R3HDM2: variants seen among roughly 807,000 people sequenced by gnomAD.
R3HDM2 encodes R3H domain-containing protein 2.
A neutral mutation model predicts 124.5 loss-of-function variants in R3HDM2; 38 were observed. That is an observed-to-expected ratio of 0.31 (90% confidence interval 0.24 to 0.40). The LOEUF (loss-of-function observed/expected upper bound fraction) is 0.40, where lower values mean the gene tolerates loss of function less well. Ranked by LOEUF, R3HDM2 falls within the 10% of genes least tolerant of loss-of-function variation. The pLI is 1.00. For synonymous variants in R3HDM2, 391 were observed against 448.0 expected (o/e 0.87, Z 1.61); for missense variants, 869 against 1,236.9 (o/e 0.70, Z 4.46).
At chr12:57,255,889 C>T (rs1290998681) in intron 23 of R3HDM2, 101 bp downstream of exon 23, 4 of 998,504 alleles carry the variant, frequency 4.0e-6, no homozygotes, top group South Asian at 3.1e-5. Context: ...CCCACTTCCA[C>T]TCCCCATCCT....
chr12:57,419,284 CAGG>C (rs2071455714), intron 1 of R3HDM2, among the ~76,000 whole-genome samples: 1 of 151,822 alleles, frequency 6.6e-6, no homozygotes, highest in Non-Finnish European at 1.5e-5. Flanking sequence ...CCTACGATTA[CAGG>C]CAAGTGCCAC....
At chr12:57,354,324 G>A (rs2061012518) in intron 2 of R3HDM2, among the ~76,000 whole-genome samples, 1 of 151,418 alleles carries the variant, frequency 6.6e-6, no homozygotes, top group Non-Finnish European at 1.5e-5. Context: ...GACAGAGTCT[G>A]ACTCTGTCAC....
intron 2 of R3HDM2, among the ~76,000 whole-genome samples, chr12:57,333,649 G>A (rs776838928): frequency 3.3e-5 from 5 of 151,974 alleles, no homozygotes; most frequent in Non-Finnish European, 5.9e-5. Flanking sequence ...CTGAGATTGC[G>A]CCACTGCAGC....
At chr12:57,393,635 A>G (rs1594408041) in intron 2 of R3HDM2, among the ~76,000 whole-genome samples, 1 of 152,314 alleles carries the variant, frequency 6.6e-6, no homozygotes, top group East Asian at 1.9e-4. Flanking sequence ...GAGAGGAGAA[A>G]AAGAGGCAAG....
intron 1 of R3HDM2, among the ~76,000 whole-genome samples, chr12:57,421,186 CAG>C (rs1400686119): frequency 7.8e-6 from 1 of 128,580 alleles, no homozygotes; most frequent in Non-Finnish European, 1.6e-5. Context: ...TTTTCTGAGA[CAG>C]AGTTTTGCTC....
rs972043604 is a variant in R3HDM2 at position 57,430,701 on chromosome 12, G to A, written c.-106+19C>T. Reference sequence around the variant, plus strand: ...GGCCGTCCGGGCCGCCCGCCCCCTCGGCCGGGAGGTGGCCTCACCTCGCAC... The same window carrying A: ...GGCCGTCCGGGCCGCCCGCCCCCTCAGCCGGGAGGTGGCCTCACCTCGCAC... On this transcript the variant is annotated intron_variant, in intron 1 of 23. Transcript: ENST00000402412. 18 of 557,368 alleles carry A rather than the reference G, an allele frequency of 3.2e-5. No individual in the cohort carries two copies. In the African/African-American group the frequency reaches 3.7e-4, roughly 11 times the overall value. The allele number at this position is 557,368 out of a possible 1,614,324, so 34.5% of individuals were successfully genotyped here.
chr12:57,328,426 G>A (rs2057638342), intron 2 of R3HDM2, among the ~76,000 whole-genome samples: 1 of 152,094 alleles, frequency 6.6e-6, no homozygotes, highest in Non-Finnish European at 1.5e-5. Flanking sequence ...CCATTGATCA[G>A]TCAGCAATCA....
At chr12:57,332,293 T>G (rs993560029) in intron 2 of R3HDM2, among the ~76,000 whole-genome samples, 34 of 150,562 alleles carry the variant, frequency 2.3e-4, no homozygotes, top group African/African-American at 8.1e-4. Context: ...CACACACCTG[T>G]AGTCCCAGCT....
chr12:57,360,567 A>G (rs1470620728), intron 2 of R3HDM2, among the ~76,000 whole-genome samples: 3 of 151,856 alleles, frequency 2.0e-5, no homozygotes, highest in Middle Eastern at 3.2e-3. Flanking sequence ...GGCTATAGTG[A>G]GCCCTCATTA....
At chr12:57,381,184 T>G (rs1328775259) in intron 2 of R3HDM2, among the ~76,000 whole-genome samples, 1 of 151,900 alleles carries the variant, frequency 6.6e-6, no homozygotes, top group Non-Finnish European at 1.5e-5. Flanking sequence ...TGAGCTGATA[T>G]CACGCCATTG....
intron 3 of R3HDM2, among the ~76,000 whole-genome samples, chr12:57,308,048 T>A (rs931095900): frequency 3.0e-5 from 4 of 134,652 alleles, no homozygotes; most frequent in African/African-American, 1.1e-4. Context: ...TCCAGGTGAA[T>A]TTTTTTTTTT....
intron 2 of R3HDM2, among the ~76,000 whole-genome samples, chr12:57,327,083 T>C (rs1424031613): frequency 2.0e-5 from 3 of 152,180 alleles, no homozygotes; most frequent in Non-Finnish European, 4.4e-5. Flanking sequence ...AGATTAATGT[T>C]ATTTTCAGGC....
In R3HDM2 at chr12:57,253,830, C is replaced by A; in HGVS notation, c.*943G>T. The A allele has an allele frequency of 1.7e-5, 3 of 173,666 alleles. No individual in the cohort carries two copies. The highest frequency in any genetic ancestry group is 3.6e-5 in the Non-Finnish European group (3 of 82,644). The allele number at this position is 173,666 out of a possible 1,614,324, so 10.8% of individuals were successfully genotyped here. On this transcript the variant is annotated 3_prime_UTR_variant, in exon 24 of 24. Coordinates refer to ENST00000402412, the MANE Select transcript of R3HDM2 (RefSeq NM_001394031.1). The stretch of plus-strand genomic sequence containing the variant: ...AACCTCCCCCCAAATAACCCCCAAA[C>A]AAACAAAAAAACAGATTAAATAAAA...
Position 57,274,476 on chromosome 12 carries a change from C to CAAACA in R3HDM2, c.1345-4487_1345-4483dup, listed in dbSNP as rs200822813. ...TGGGCAACAGAGCAAGACTCCGTCTCAAACAAAACAAAACAAAACAAAACA... is the reference window on the plus strand; with the variant it reads ...TGGGCAACAGAGCAAGACTCCGTCTCAAACAAAACAAAACAAAACAAAACAAAACA... On this transcript the variant is annotated intron_variant, in intron 14 of 23. Transcript: ENST00000402412. Among the ~76,000 whole-genome samples, 1,208 of 152,214 alleles carry CAAACA rather than the reference C, an allele frequency of 7.9e-3. 13 individuals carry two copies. Among genetic ancestry groups the CAAACA allele is most frequent in the East Asian group, 0.051 (263 of 5,170 alleles).
chr12:57,329,095 G>A (rs2057740825), intron 2 of R3HDM2, among the ~76,000 whole-genome samples: 2 of 152,160 alleles, frequency 1.3e-5, no homozygotes, highest in Non-Finnish European at 1.5e-5. Context: ...ATTTATATAA[G>A]CAAAGAATAC....
intron 1 of R3HDM2, among the ~76,000 whole-genome samples, chr12:57,412,203 A>G (rs997754615): frequency 3.2e-4 from 48 of 152,200 alleles, no homozygotes; most frequent in Admixed American, 9.8e-4. Context: ...TCACAGATCA[A>G]TATGTAAAAT....
At chr12:57,315,578 G>T (rs2054841769) in intron 2 of R3HDM2, among the ~76,000 whole-genome samples, 1 of 152,176 alleles carries the variant, frequency 6.6e-6, no homozygotes, top group Admixed American at 6.5e-5. Flanking sequence ...TCACATGTGG[G>T]TCAGGAAAAG....
intron 10 of R3HDM2, 31 bp downstream of exon 10, chr12:57,295,368 C>G: frequency 1.4e-6 from 2 of 1,462,496 alleles, no homozygotes; most frequent in Non-Finnish European, 1.9e-6. Context: ...TGCAAACTCT[C>G]TATATAGGCC....
intron 3 of R3HDM2, chr12:57,304,472 C>T (rs1593000909): frequency 5.1e-6 from 5 of 972,748 alleles, no homozygotes; most frequent in Non-Finnish European, 6.1e-6. Flanking sequence ...AGACAGAGTA[C>T]CAGCATGGCC....
Sources: gnomAD v4.1 joint callset for allele counts (sites outside exome capture counted in the v4.1 genomes callset) on GRCh38, gnomAD v4.1.1 for gene constraint, MANE v1.5 for transcripts, NCBI Gene and HGNC (gene_info 2026-07-23, HGNC 2026-07-21) for gene names.